The following SYN3 variants were observed in gnomAD, a reference collection of about 807,000 sequenced individuals.
SYN3 encodes the protein synapsin-3.
Under a neutral mutation model 65.8 loss-of-function variants are expected in SYN3, and 35 were observed. The ratio of observed to expected loss-of-function variants is 0.53; its 90% CI spans 0.41 to 0.70. The LOEUF (loss-of-function observed/expected upper bound fraction) is 0.70, where lower values mean the gene tolerates loss of function less well. SYN3 is among the 30% of genes least tolerant of loss of function. SYN3 has a pLI of 0.00. For synonymous variants in SYN3, 270 were observed against 292.9 expected, an observed-to-expected ratio of 0.92 and a Z score of 0.80; for missense variants, 680 against 749.0, an observed-to-expected ratio of 0.91 and a Z score of 1.08.
chr22:32,960,706 T>G (rs1390478283), intron 3 of SYN3, among the ~76,000 whole-genome samples: 1 of 152,156 alleles, frequency 6.6e-6, no homozygotes, highest in East Asian at 1.9e-4. Flanking sequence ...CTCTGCTGGG[T>G]TGCCGGGTAC....
At chr22:32,980,958 G>A (rs530648386) in intron 2 of SYN3, among the ~76,000 whole-genome samples, 18 of 151,680 alleles carry the variant, frequency 1.2e-4, no homozygotes, top group Non-Finnish European at 2.4e-4. Flanking sequence ...AGGTTCAAGC[G>A]ATTCTCCTGC....
intron 6 of SYN3, among the ~76,000 whole-genome samples, chr22:32,620,352 A>C (rs1450593852): frequency 6.6e-6 from 1 of 152,224 alleles, no homozygotes; most frequent in African/African-American, 2.4e-5. Flanking sequence ...CACGAAAGGC[A>C]TATTTCTCTA....
chr22:32,891,405 C>T (rs1348773540), intron 4 of SYN3, among the ~76,000 whole-genome samples: 1 of 152,180 alleles, frequency 6.6e-6, no homozygotes, highest in Non-Finnish European at 1.5e-5. Flanking sequence ...CTTCTGAATC[C>T]TGTCACTTCT....
At chr22:33,050,479 C>CAAAAAAA (rs58653594) in intron 1 of SYN3, among the ~76,000 whole-genome samples, 4 of 108,510 alleles carry the variant, frequency 3.7e-5, no homozygotes, top group African/African-American at 7.0e-5. Context: ...GAGACTGTTT[C>CAAAAAAA]AAAAAAAAAA....
chr22:32,527,089 T>C (rs2710361), intron 12 of SYN3, among the ~76,000 whole-genome samples: 2,627 of 152,292 alleles, frequency 0.017, 59 homozygotes, highest in African/African-American at 0.059. Flanking sequence ...TAATAAGTGG[T>C]GGAATGTAGT....
intron 12 of SYN3, among the ~76,000 whole-genome samples, chr22:32,522,694 C>T (rs561172011): frequency 6.6e-6 from 1 of 152,292 alleles, no homozygotes; most frequent in African/African-American, 2.4e-5. Context: ...GTAGTAAGAA[C>T]TGACACCTTC....
chr22:33,029,354 T>A (rs1004235699), intron 1 of SYN3, among the ~76,000 whole-genome samples: 1 of 152,036 alleles, frequency 6.6e-6, no homozygotes, highest in African/African-American at 2.4e-5. Flanking sequence ...TAATGTTTAT[T>A]TTTATTTTTG....
rs967307333 is a variant in SYN3 at position 32,687,698 on chromosome 22, A to G, written c.712-90962T>C. On this transcript the variant is annotated intron_variant, in intron 6 of 13. Transcript: ENST00000358763. ...ACCTTGTATCACTCTCCCCCTTACT[A>G]TAGTCTTTCAAGTCCTCGAACCTGC... 5.3e-5 allele frequency among the ~76,000 whole-genome samples: 8 copies of G among 151,894 alleles called. No individual in the cohort carries two copies. In the South Asian group the frequency reaches 1.5e-3, roughly 28 times the overall value.
chr22:32,802,214 C>T, intron 6 of SYN3: 1 of 1,498,684 alleles, frequency 6.7e-7, no homozygotes, highest in Non-Finnish European at 8.9e-7. Flanking sequence ...CTCCTTTCCT[C>T]TGCCCCAGGA....
intron 3 of SYN3, among the ~76,000 whole-genome samples, chr22:32,979,200 A>AG (rs1476408772): frequency 2.0e-5 from 3 of 151,370 alleles, no homozygotes; most frequent in Non-Finnish European, 4.4e-5. Context: ...AAAAAAAAAA[A>AG]AAAGAAAGAA....
At chr22:33,020,056 T>C (rs2053535198) in intron 1 of SYN3, among the ~76,000 whole-genome samples, 2 of 152,214 alleles carry the variant, frequency 1.3e-5, no homozygotes, top group Admixed American at 1.3e-4. Context: ...AGAATTGTTA[T>C]TCCTGACTTC....
chr22:32,541,898 G>T (rs1419971781), intron 7 of SYN3, among the ~76,000 whole-genome samples, 185 bp from the exon 8 acceptor site: 1 of 152,194 alleles, frequency 6.6e-6, no homozygotes, highest in Non-Finnish European at 1.5e-5. Flanking sequence ...GAGAGGAAGG[G>T]AGTGATTCTG....
chr22:32,711,149 C>T (rs1287120153), intron 6 of SYN3, among the ~76,000 whole-genome samples: 1 of 152,164 alleles, frequency 6.6e-6, no homozygotes, highest in Non-Finnish European at 1.5e-5. Flanking sequence ...AACTCCTGGG[C>T]AAACTGGAAT....
chr22:32,710,528 G>T (rs1187704640), intron 6 of SYN3, among the ~76,000 whole-genome samples: 1 of 151,802 alleles, frequency 6.6e-6, no homozygotes, highest in African/African-American at 2.4e-5. Context: ...AGCTACTTGG[G>T]AGGCTGAGGC....
At chr22:32,655,146 T>C (rs2413140) in intron 6 of SYN3, among the ~76,000 whole-genome samples, 16,418 of 152,186 alleles carry the variant, frequency 0.11, 2,534 homozygotes, top group African/African-American at 0.35. Flanking sequence ...GAGAGCTGCT[T>C]GGCTCTTCCA....
chr22:32,559,165 C>G (rs548683981), intron 7 of SYN3, among the ~76,000 whole-genome samples: 1 of 152,328 alleles, frequency 6.6e-6, no homozygotes, highest in South Asian at 2.1e-4. Context: ...GGCTGCAGGA[C>G]TCACAGCTGG....
intron 6 of SYN3, among the ~76,000 whole-genome samples, chr22:32,765,692 A>C (rs1025882284): frequency 6.6e-6 from 1 of 152,146 alleles, no homozygotes; most frequent in Non-Finnish European, 1.5e-5. Flanking sequence ...GGCCTGGGAA[A>C]GGCTAGAGAT....
At chr22:32,686,338 A>G (rs2060588016) in intron 6 of SYN3, among the ~76,000 whole-genome samples, 1 of 150,290 alleles carries the variant, frequency 6.7e-6, no homozygotes, top group Non-Finnish European at 1.5e-5. Flanking sequence ...TCTGCCGACC[A>G]TCGCCATGTG....
intron 6 of SYN3, among the ~76,000 whole-genome samples, chr22:32,710,645 A>AAAAAAAAAAAAAAAAAAAAAAAAAAAAG (rs1555931894): frequency 2.0e-4 from 26 of 127,014 alleles, no homozygotes; most frequent in East Asian, 1.9e-3. Context: ...AAAAAAAAAA[A>AAAAAAAAAAAAAAAAAAAAAAAAAAAAG]AAAGAAAGAA....
Sources: allele counts gnomAD v4.1 joint callset (sites outside exome capture counted in the v4.1 genomes callset), GRCh38; gene constraint gnomAD v4.1.1; transcripts MANE v1.5; gene names NCBI Gene and HGNC (gene_info 2026-07-23, HGNC 2026-07-21).